FUCA2: variants seen among roughly 807,000 people sequenced by gnomAD.
FUCA2 encodes the protein alpha-L-fucosidase 2, also known as plasma alpha-L-fucosidase.
FUCA2 carries 41 observed loss-of-function variants against 52.6 expected under a neutral mutation model. The ratio of observed to expected loss-of-function variants is 0.78; its 90% CI spans 0.61 to 1.01. The LOEUF is 1.01. Among genes scored for constraint, FUCA2 ranks in the 50% least tolerant of loss-of-function variants. FUCA2 has a pLI of 0.00. For synonymous variants in FUCA2, 211 were observed against 217.3 expected (o/e 0.97, Z 0.26); for missense variants, 507 against 569.5 (o/e 0.89, Z 1.12).
chr6:143,511,616 G>C lies in FUCA2; in HGVS notation c.19C>G (p.Pro7Ala), dbSNP rs1317596905. The C allele has an allele frequency of 3.3e-6, 5 of 1,536,214 alleles. No individual in the cohort carries two copies. In the African/African-American group the frequency reaches 4.1e-5, roughly 13 times the overall value. ...AGCAGCAACGGGAACGCGAGCCTGG[G>C]GAGCTCCTGGGGCCGCATGTCCCGG... MRPQELPRLAFPLLLLL... is the reference protein window; with the variant it reads MRPQELARLAFPLLLLL... The change falls in exon 1 of 7, where the codon CCC becomes GCC. Residue 7 changes from proline (P) to alanine (A), a missense_variant. Coordinates refer to ENST00000002165, the MANE Select transcript of FUCA2 (RefSeq NM_032020.5). The surrounding 1 kb of genome is among the most constrained non-coding windows in gnomAD (Gnocchi z 6.3).
chr6:143,504,342 T>G lies in FUCA2; in HGVS notation c.413-90A>C. On this transcript the variant is annotated intron_variant, in intron 2 of 6. Transcript: ENST00000002165. This position sits in a 1 kb window ranked among gnomAD's most constrained non-coding sequence, Gnocchi z 4.4. The stretch of plus-strand genomic sequence containing the variant: ...ACAAATGCCCAAACAAATCACATAG[T>G]ACATGCGATATATAAATACCTGCTC... The G allele has an allele frequency of 9.7e-7, 1 of 1,027,582 alleles. No individual in the cohort carries two copies. The highest frequency in any genetic ancestry group is 1.6e-5 in the South Asian group (1 of 64,016). The allele number at this position is 1,027,582 out of a possible 1,614,324, so 63.7% of individuals were successfully genotyped here.
Position 143,503,981 on chromosome 6 carries a change from A to G in FUCA2, c.684T>C (p.Asp228=). The stretch of plus-strand genomic sequence containing the variant: ...ATTGATCCGGTGCTCCTCCGTCACC[A>G]TCCGACCACAGAACCTCAGGCTGAT... ...NNYQPEVLWS[D]GDGGAPDQYW... The change falls in exon 3 of 7, where the codon GAT becomes GAC. Residue 228 remains aspartate (D), a synonymous_variant. Coordinates refer to ENST00000002165, the MANE Select transcript of FUCA2 (RefSeq NM_032020.5). This position sits in a 1 kb window ranked among gnomAD's most constrained non-coding sequence, Gnocchi z 4.8. 1 of 1,614,188 alleles carries G rather than the reference A, an allele frequency of 6.2e-7. No homozygotes were observed. Among genetic ancestry groups the G allele is most frequent in the East Asian group, 2.2e-5 (1 of 44,892 alleles).
chr6:143,511,371 A>T lies in FUCA2; in HGVS notation c.224+40T>A. ...TGGTGGCTGGAGGCTGCGGGTGGGG[A>T]CAAAAGCGCGGCAGACGAGACAAAA... On this transcript the variant is annotated intron_variant, in intron 1 of 6. Coordinates refer to ENST00000002165, the MANE Select transcript of FUCA2 (RefSeq NM_032020.5). The surrounding 1 kb of genome is among the most constrained non-coding windows in gnomAD (Gnocchi z 6.3). 6.5e-7 allele frequency: 1 copy of T among 1,547,466 alleles called. No individual in the cohort carries two copies. The highest frequency in any genetic ancestry group is 8.8e-7 in the Non-Finnish European group (1 of 1,138,692).
chr6:143,502,190 C>A lies in FUCA2; in HGVS notation c.964-68G>T. The A allele has an allele frequency of 7.3e-7, 1 of 1,376,240 alleles. No homozygotes were observed. Among genetic ancestry groups the A allele is most frequent in the Non-Finnish European group, 9.9e-7 (1 of 1,009,048 alleles). 85.3% of individuals were successfully genotyped at this position (1,376,240 alleles called of 1,614,324 possible). ...CCATCTTTAATGTGCTAATATGTTG[C>A]ATTTATATATTTATACATGTATATA... On this transcript the variant is annotated intron_variant, in intron 4 of 6. Coordinates refer to ENST00000002165, the MANE Select transcript of FUCA2 (RefSeq NM_032020.5). The surrounding 1 kb of genome is among the most constrained non-coding windows in gnomAD (Gnocchi z 4.1).
In FUCA2 at chr6:143,495,541, T is replaced by C; in HGVS notation, c.*166A>G. Reference sequence around the variant, plus strand: ...GCACTGGAGAGTTAAAATGGTTACATGGGTAATTTAAGAAAAAATTTAGTG... The same window carrying C: ...GCACTGGAGAGTTAAAATGGTTACACGGGTAATTTAAGAAAAAATTTAGTG... On this transcript the variant is annotated 3_prime_UTR_variant, in exon 7 of 7. Transcript: ENST00000002165. This position sits in a 1 kb window ranked among gnomAD's most constrained non-coding sequence, Gnocchi z 5.2. 1.7e-6 allele frequency: 1 copy of C among 603,756 alleles called. No individual in the cohort carries two copies. Among genetic ancestry groups the C allele is most frequent in the Non-Finnish European group, 2.7e-6 (1 of 366,210 alleles). 37.4% of individuals were successfully genotyped at this position (603,756 alleles called of 1,614,324 possible). A position where few individuals can be genotyped will look rare whatever the true frequency, so the allele number is the denominator to read the frequency against.
In FUCA2 at chr6:143,504,343, A is replaced by G; in HGVS notation, c.413-91T>C. On this transcript the variant is annotated intron_variant, in intron 2 of 6. Coordinates refer to ENST00000002165, the MANE Select transcript of FUCA2 (RefSeq NM_032020.5). The surrounding 1 kb of genome is among the most constrained non-coding windows in gnomAD (Gnocchi z 4.4). The stretch of plus-strand genomic sequence containing the variant: ...CAAATGCCCAAACAAATCACATAGT[A>G]CATGCGATATATAAATACCTGCTCC... 9.7e-7 allele frequency: 1 copy of G among 1,029,682 alleles called. No individual in the cohort carries two copies. Among genetic ancestry groups the G allele is most frequent in the South Asian group, 1.6e-5 (1 of 64,076 alleles). 63.8% of individuals were successfully genotyped at this position (1,029,682 alleles called of 1,614,324 possible).
Position 143,507,309 on chromosome 6 carries a change from C to A in FUCA2, c.340G>T (p.Ala114Ser), listed in dbSNP as rs1234782637. Residue 114 changes from alanine to serine, a missense_variant, in exon 2 of 7, where the codon GCC becomes TCC. Physicochemically the swap from Ala to Ser is moderately conservative, Grantham distance 99 (BLOSUM62 1). Transcript: ENST00000002165. This position sits in a 1 kb window ranked among gnomAD's most constrained non-coding sequence, Gnocchi z 4.5. ...TGAAAAATATCTGCCCACTGGTTGG[C>A]ATTAAAAAATTTTGCTGTAAATAGT... ...GPLFTAKFFN[A>S]NQWADIFQAS... 1.2e-6 allele frequency: 2 copies of A among 1,608,634 alleles called. No homozygotes were observed. The highest frequency in any genetic ancestry group is 1.1e-5 in the South Asian group (1 of 89,566).
In FUCA2 at chr6:143,511,484, C is replaced by A. The variant is rs1584032127; in HGVS notation, c.151G>T (p.Asp51Tyr). 1.2e-6 allele frequency: 2 copies of A among 1,606,922 alleles called. No individual in the cohort carries two copies. Among genetic ancestry groups the A allele is most frequent in the East Asian group, 2.3e-5 (1 of 44,432 alleles). ...ATGAAGATGCCGAACTTGGCCTGGTCAAACCACGCGGGCAGCTGGCGGGCG... is the reference window on the plus strand; with the variant it reads ...ATGAAGATGCCGAACTTGGCCTGGTAAAACCACGCGGGCAGCTGGCGGGCG... Reference protein sequence around the residue: ...LDARQLPAWFDQAKFGIFIHW... With the variant: ...LDARQLPAWFYQAKFGIFIHW... Residue 51 changes from aspartate (D) to tyrosine (Y), a missense_variant, in exon 1 of 7, where the codon GAC (aspartate) becomes TAC (tyrosine). Coordinates refer to ENST00000002165, the MANE Select transcript of FUCA2 (RefSeq NM_032020.5). This position sits in a 1 kb window ranked among gnomAD's most constrained non-coding sequence, Gnocchi z 6.3.
Position 143,497,397 on chromosome 6 carries a change from C to G in FUCA2, c.1255G>C (p.Ala419Pro), listed in dbSNP as rs1780473222. 1 of 1,605,734 alleles carries G rather than the reference C, an allele frequency of 6.2e-7. No homozygotes were observed. The highest frequency in any genetic ancestry group is 8.5e-7 in the Non-Finnish European group (1 of 1,172,408). Reference protein sequence around the residue: ...FLGHPKAILGATEVKLLGHGQ... With the variant: ...FLGHPKAILGPTEVKLLGHGQ... ...GTAAAATTCCCTCTTACCTCTGTTG[C>G]CCCCAGAATAGCTTTGGGATGGCCA... The change falls in exon 6 of 7, where the codon GCA becomes CCA. Residue 419 changes from alanine to proline, a missense_variant. Ala to Pro is a conservative substitution (Grantham distance 27). Transcript: ENST00000002165. The surrounding 1 kb of genome is among the most constrained non-coding windows in gnomAD (Gnocchi z 5.3).
At position 143,510,511 on chromosome 6, in the gene FUCA2, C is replaced by T. The variant is rs60264532; in HGVS notation, c.224+900G>A. Among the ~76,000 whole-genome samples the T allele has an allele frequency of 5.0e-4, 76 of 151,962 alleles. No individual in the cohort carries two copies. Among genetic ancestry groups the T allele is most frequent in the African/African-American group, 1.7e-3 (72 of 41,494 alleles). On this transcript the variant is annotated intron_variant, in intron 1 of 6. Transcript: ENST00000002165. The surrounding 1 kb of genome is among the most constrained non-coding windows in gnomAD (Gnocchi z 4.4). The stretch of plus-strand genomic sequence containing the variant: ...AAAATTGGCCAGGCATGGTGGCGTG[C>T]GCCTGTAGTCCCAGCTACTCAGGAG...
intron 5 of FUCA2, among the ~76,000 whole-genome samples, chr6:143,498,486 G>A (rs1404843929): frequency 6.6e-6 from 1 of 152,178 alleles, no homozygotes; most frequent in Non-Finnish European, 1.5e-5. Flanking sequence ...AACCATGGGA[G>A]CGCCATAAGA....
intron 2 of FUCA2, chr6:143,505,621 A>G (rs1017887100): frequency 6.6e-6 from 1 of 152,110 alleles, no homozygotes; most frequent in South Asian, 2.1e-4. Flanking sequence ...CTAGCCTTAG[A>G]TTCATTTTAA....
chr6:143,504,475 G>A lies in FUCA2; in HGVS notation c.413-223C>T, dbSNP rs1443821162. The A allele has an allele frequency of 1.9e-5, 10 of 532,514 alleles. No homozygotes were observed. The highest frequency in any genetic ancestry group is 2.7e-5 in the Non-Finnish European group (8 of 298,698). The allele number at this position is 532,514 out of a possible 1,614,324, so 33.0% of individuals were successfully genotyped here. ...ACAGGTTTTTAAAAGCAACTTTCAGGGTATATCACTGTACGGTCTGATCTA... is the reference window on the plus strand; with the variant it reads ...ACAGGTTTTTAAAAGCAACTTTCAGAGTATATCACTGTACGGTCTGATCTA... On this transcript the variant is annotated intron_variant, in intron 2 of 6. Transcript: ENST00000002165. This position sits in a 1 kb window ranked among gnomAD's most constrained non-coding sequence, Gnocchi z 4.4.
In FUCA2 at chr6:143,499,472, C is replaced by T. The variant is rs1390633000; in HGVS notation, c.1155-1975G>A. ...TCAGGAGGCTGAGGCAGGAGAATCA[C>T]TTGAACCTGGGAGGTGGAGGTTGCC... On this transcript the variant is annotated intron_variant, in intron 5 of 6. Coordinates refer to ENST00000002165, the MANE Select transcript of FUCA2 (RefSeq NM_032020.5). This position sits in a 1 kb window ranked among gnomAD's most constrained non-coding sequence, Gnocchi z 6.0. Among the ~76,000 whole-genome samples the T allele has an allele frequency of 1.3e-5, 2 of 152,184 alleles. No individual in the cohort carries two copies. The highest frequency in any genetic ancestry group is 2.9e-5 in the Non-Finnish European group (2 of 68,032).
Position 143,497,516 on chromosome 6 carries a change from T to G in FUCA2, c.1155-19A>C. 3 of 1,386,240 alleles carry G rather than the reference T, an allele frequency of 2.2e-6. No homozygotes were observed. The highest frequency in any genetic ancestry group is 3.1e-6 in the Non-Finnish European group (3 of 976,852). 85.9% of individuals were successfully genotyped at this position (1,386,240 alleles called of 1,614,324 possible). On this transcript the variant is annotated intron_variant, in intron 5 of 6. Transcript: ENST00000002165. This position sits in a 1 kb window ranked among gnomAD's most constrained non-coding sequence, Gnocchi z 5.3. ...TGTGTACCTGGTTAAAAGAAAAAAA[T>G]AAAGAGCATAGTAGCAAGTTACATC... is the stretch of plus-strand genomic sequence containing the variant.
At position 143,499,275 on chromosome 6, in the gene FUCA2, A is replaced by C. The variant is rs998881718; in HGVS notation, c.1155-1778T>G. ...ATAAGATCACCTGGGACATTAAGATAAACGCAGTGGCTCACGCCTGTAATC... is the reference window on the plus strand; with the variant it reads ...ATAAGATCACCTGGGACATTAAGATCAACGCAGTGGCTCACGCCTGTAATC... On this transcript the variant is annotated intron_variant, in intron 5 of 6. Transcript: ENST00000002165. This position sits in a 1 kb window ranked among gnomAD's most constrained non-coding sequence, Gnocchi z 6.0. 6.6e-6 allele frequency among the ~76,000 whole-genome samples: 1 copy of C among 152,178 alleles called. No individual in the cohort carries two copies. The highest frequency in any genetic ancestry group is 1.5e-5 in the Non-Finnish European group (1 of 68,024).
intron 5 of FUCA2, among the ~76,000 whole-genome samples, chr6:143,498,271 ATTGAACAAAGTCC>A (rs6149835): frequency 0.39 from 59,978 of 151,878 alleles, 12,065 homozygotes; most frequent in East Asian, 0.51. Context: ...TATATACAAC[ATTGAACAAAGTCC>A]TTGTCCTCAT....
Position 143,495,961 on chromosome 6 carries a change from TTTTTACC to T in FUCA2, c.1264-121_1264-115del, listed in dbSNP as rs1584024075. 1 of 1,007,236 alleles carries T rather than the reference TTTTTACC, an allele frequency of 9.9e-7. No individual in the cohort carries two copies. The highest frequency in any genetic ancestry group is 1.5e-6 in the Non-Finnish European group (1 of 680,172). 62.4% of individuals were successfully genotyped at this position (1,007,236 alleles called of 1,614,324 possible). A position where few individuals can be genotyped will look rare whatever the true frequency, so the allele number is the denominator to read the frequency against. On this transcript the variant is annotated intron_variant, in intron 6 of 6. Coordinates refer to ENST00000002165, the MANE Select transcript of FUCA2 (RefSeq NM_032020.5). The surrounding 1 kb of genome is among the most constrained non-coding windows in gnomAD (Gnocchi z 5.2). ...AACAAAATTGTAGACAAGAGGTTCA[TTTTTACC>T]TTTATTTAGTGATTCACAATCACTC...
At position 143,502,436 on chromosome 6, in the gene FUCA2, G is replaced by T; in HGVS notation, c.882C>A (p.Cys294Ter). ...GHLLPHKWEN[C>*]MTIDKLSWGY... ...CCCAGGACAGTTTGTCTATTGTCAT[G>T]CAGTTTTCCCATTTATGTGGCAAAA... is the stretch of plus-strand genomic sequence containing the variant. The change falls in exon 4 of 7, where the codon TGC becomes TGA. Residue 294 changes from cysteine to a stop codon, truncating the protein, a stop_gained. Transcript: ENST00000002165. LOFTEE classifies it high-confidence loss of function. The surrounding 1 kb of genome is among the most constrained non-coding windows in gnomAD (Gnocchi z 4.1). The T allele has an allele frequency of 6.2e-7, 1 of 1,614,090 alleles. No homozygotes were observed. Among genetic ancestry groups the T allele is most frequent in the Non-Finnish European group, 8.5e-7 (1 of 1,179,996 alleles).
Sources: gnomAD v4.1 joint callset for allele counts (sites outside exome capture counted in the v4.1 genomes callset) on GRCh38, gnomAD v4.1.1 for gene constraint, Gnocchi (gnomAD v3.1) non-coding constraint, MANE v1.5 for transcripts, NCBI Gene and HGNC (gene_info 2026-07-23, HGNC 2026-07-21) for gene names.